Variants in FAM168A observed in about 807,000 individuals in gnomAD.
FAM168A encodes the protein protein FAM168A.
In FAM168A, 3 loss-of-function variants were observed where a neutral mutation model predicts 28.5. That is an observed-to-expected ratio of 0.11 (90% CI 0.05 to 0.27). FAM168A has a LOEUF of 0.27. Ranked by LOEUF, FAM168A falls within the 10% of genes least tolerant of loss-of-function variation. The pLI is 1.00. For synonymous variants in FAM168A, 122 were observed against 124.2 expected (o/e 0.98, Z 0.12); for missense variants, 222 against 311.5 (o/e 0.71, Z 2.16).
chr11:73,553,925 G>A (rs949975046), intron 1 of FAM168A, among the ~76,000 whole-genome samples: 13 of 152,142 alleles, frequency 8.5e-5, no homozygotes, highest in Non-Finnish European at 1.5e-4. Context: ...GGAGGCGGAG[G>A]TTGCAGTGAG....
At chr11:73,440,346 AGACT>A (rs1321394757) in intron 2 of FAM168A, among the ~76,000 whole-genome samples, 1 of 152,204 alleles carries the variant, frequency 6.6e-6, no homozygotes, top group Non-Finnish European at 1.5e-5. Flanking sequence ...GAAAGACCAA[AGACT>A]TTAAAATAAA....
chr11:73,482,276 G>C (rs1867978297), intron 1 of FAM168A, among the ~76,000 whole-genome samples: 1 of 145,774 alleles, frequency 6.9e-6, no homozygotes, highest in Non-Finnish European at 1.5e-5. Flanking sequence ...AGTCATGGTT[G>C]TGGACAGGGC....
At chr11:73,479,216 C>T (rs929152705) in intron 1 of FAM168A, among the ~76,000 whole-genome samples, 15 of 152,170 alleles carry the variant, frequency 9.9e-5, no homozygotes, top group African/African-American at 3.1e-4. Flanking sequence ...AAGGTAGAAA[C>T]AACCTTGATT....
rs1441247589 is a variant in FAM168A at position 73,419,844 on chromosome 11, G to A, written c.277+30C>T. The A allele has an allele frequency of 3.1e-6, 5 of 1,612,376 alleles. No homozygotes were observed. The East Asian group carries it at 1.1e-4, about 36-fold the overall frequency. On this transcript the variant is annotated intron_variant, in intron 4 of 7. Transcript: ENST00000356467. ...GAAACAAATCAGTCCCAACCAAGGG[G>A]AACAAGGAAATGAGACAGGCTGTAT...
At chr11:73,526,507 A>C (rs1943449009) in intron 1 of FAM168A, among the ~76,000 whole-genome samples, 1 of 152,156 alleles carries the variant, frequency 6.6e-6, no homozygotes, top group South Asian at 2.1e-4. Context: ...TTTCCTCATC[A>C]GCTAAAAACA....
chr11:73,526,945 C>T (rs1438655876), intron 1 of FAM168A, among the ~76,000 whole-genome samples: 1 of 149,944 alleles, frequency 6.7e-6, no homozygotes, highest in South Asian at 2.1e-4. Context: ...TTGCCAGAGT[C>T]TCTGGCTTGA....
intron 1 of FAM168A, among the ~76,000 whole-genome samples, chr11:73,502,218 G>C (rs1017690121): frequency 1.3e-5 from 2 of 151,672 alleles, no homozygotes; most frequent in African/African-American, 4.8e-5. Flanking sequence ...CCAGGAGCTG[G>C]TTTTCTGAAA....
At chr11:73,524,273 T>C (rs1319834506) in intron 1 of FAM168A, among the ~76,000 whole-genome samples, 2 of 152,044 alleles carry the variant, frequency 1.3e-5, no homozygotes, top group Non-Finnish European at 1.5e-5. Context: ...GTATTGAGAA[T>C]TGATAGGGTT....
At chr11:73,453,751 C>G (rs1029943332) in intron 2 of FAM168A, among the ~76,000 whole-genome samples, 1 of 152,202 alleles carries the variant, frequency 6.6e-6, no homozygotes, top group Non-Finnish European at 1.5e-5. Flanking sequence ...AACAGGCTCT[C>G]CCCACTACAT....
intron 2 of FAM168A, among the ~76,000 whole-genome samples, chr11:73,438,097 TTCA>T (rs753245511): frequency 4.1e-4 from 62 of 152,090 alleles, no homozygotes; most frequent in African/African-American, 1.1e-3. Flanking sequence ...GCATCCAGAT[TTCA>T]TCATCATCAT....
intron 1 of FAM168A, among the ~76,000 whole-genome samples, chr11:73,524,207 C>A (rs941853013): frequency 6.6e-6 from 1 of 151,926 alleles, no homozygotes; most frequent in African/African-American, 2.4e-5. Context: ...ATTCTCATTT[C>A]GAAATTTTAT....
intron 1 of FAM168A, among the ~76,000 whole-genome samples, chr11:73,507,940 G>C (rs141524086): frequency 6.6e-6 from 1 of 152,042 alleles, no homozygotes; most frequent in Non-Finnish European, 1.5e-5. Flanking sequence ...TGGGTATACC[G>C]AGGGACAACT....
rs201854592 is a variant in FAM168A at position 73,529,066 on chromosome 11, T to G, written c.-18-60574A>C. Among the ~76,000 whole-genome samples the G allele has an allele frequency of 3.3e-5, 5 of 152,154 alleles. No homozygotes were observed. In the East Asian group the frequency reaches 9.6e-4, roughly 29 times the overall value. Reference sequence around the variant, plus strand: ...CAAATCAGGTGTCTGAAGCTCAAGCTCTAACTGGCTTATTTAAAAGGTCGA... The same window carrying G: ...CAAATCAGGTGTCTGAAGCTCAAGCGCTAACTGGCTTATTTAAAAGGTCGA... On this transcript the variant is annotated intron_variant, in intron 1 of 7. Coordinates refer to ENST00000356467, the MANE Select transcript of FAM168A (RefSeq NM_015159.3).
chr11:73,531,802 CTTT>C (rs35314829), intron 1 of FAM168A, among the ~76,000 whole-genome samples: 9 of 121,814 alleles, frequency 7.4e-5, no homozygotes, highest in African/African-American at 1.3e-4. Context: ...CCAAGTATCA[CTTT>C]TTTTTTTTTT....
At chr11:73,535,581 G>A (rs970791394) in intron 1 of FAM168A, among the ~76,000 whole-genome samples, 4 of 151,306 alleles carry the variant, frequency 2.6e-5, no homozygotes, top group Admixed American at 6.6e-5. Context: ...CACCACACCC[G>A]GCTAATTTTT....
At chr11:73,426,671 A>G (rs1011768611) in intron 3 of FAM168A, among the ~76,000 whole-genome samples, 7 of 143,690 alleles carry the variant, frequency 4.9e-5, no homozygotes, top group African/African-American at 1.1e-4. Flanking sequence ...GTGTGTGTGT[A>G]TGTGTGTGTG....
intron 2 of FAM168A, among the ~76,000 whole-genome samples, chr11:73,433,938 C>T (rs934753639): frequency 8.0e-5 from 12 of 149,166 alleles, no homozygotes; most frequent in African/African-American, 2.7e-4. Flanking sequence ...CTCTGCCTCC[C>T]GGGTTCAAGA....
At chr11:73,548,577 C>T (rs1017208304) in intron 1 of FAM168A, among the ~76,000 whole-genome samples, 3 of 152,194 alleles carry the variant, frequency 2.0e-5, no homozygotes, top group African/African-American at 7.2e-5. Flanking sequence ...GAATCCCTCT[C>T]CCCACTCCCA....
chr11:73,411,463 T>C lies in FAM168A; in HGVS notation c.351A>G (p.Ser117=). Reference sequence around the variant, plus strand: ...ACATGGCCGTCTGATAGGGGTTGGGTGATGGGGAGTAGGGGGGTGGAGCAG... The same window carrying C: ...ACATGGCCGTCTGATAGGGGTTGGGCGATGGGGAGTAGGGGGGTGGAGCAG... ...SNTAPPPYSP[S]PNPYQTAMYP... The change falls in exon 5 of 8, where the codon TCA becomes TCG. Residue 117 remains serine, a synonymous_variant. Transcript: ENST00000356467. 6.2e-7 allele frequency: 1 copy of C among 1,613,126 alleles called. No homozygotes were observed. The highest frequency in any genetic ancestry group is 8.5e-7 in the Non-Finnish European group (1 of 1,179,606).
Sources: allele counts gnomAD v4.1 joint callset (sites outside exome capture counted in the v4.1 genomes callset), GRCh38; gene constraint gnomAD v4.1.1; transcripts MANE v1.5; gene names NCBI Gene and HGNC (gene_info 2026-07-23, HGNC 2026-07-21).